BMPR1B: variants seen among roughly 807,000 people sequenced by gnomAD.
The protein encoded by BMPR1B is bone morphogenetic protein receptor type-1B.
A neutral mutation model predicts 59.1 loss-of-function variants in BMPR1B; 12 were observed. The observed-to-expected ratio is 0.20, with a 90% confidence interval of 0.13 to 0.33. The LOEUF (loss-of-function observed/expected upper bound fraction) is 0.33. BMPR1B is among the 10% of genes least tolerant of loss of function. BMPR1B has a pLI of 1.00. For synonymous variants in BMPR1B, 237 were observed against 207.3 expected, an observed-to-expected ratio of 1.14 and a Z score of -1.23; for missense variants, 550 against 610.9, an observed-to-expected ratio of 0.90 and a Z score of 1.05.
intron 3 of BMPR1B, among the ~76,000 whole-genome samples, chr4:95,073,930 A>G (rs943068016): frequency 3.9e-5 from 6 of 152,350 alleles, no homozygotes; most frequent in African/African-American, 1.2e-4. Flanking sequence ...ATGTGGTGGC[A>G]TAGAAACTTG....
At position 94,984,169 on chromosome 4, in the gene BMPR1B, C is replaced by A. The variant is rs1054196985; in HGVS notation, c.-112-11871C>A. Among the ~76,000 whole-genome samples the A allele has an allele frequency of 2.0e-5, 3 of 152,280 alleles. 1 individual carries two copies. The South Asian group carries it at 6.2e-4, about 32-fold the overall frequency. On this transcript the variant is annotated intron_variant, in intron 2 of 12. Transcript: ENST00000515059. ...TGCCAATAAGTCTGTGCACTGACTT[C>A]CAACTGATATGTGGCTTGTCATCTG...
At chr4:94,949,262 T>C (rs960729198) in intron 2 of BMPR1B, among the ~76,000 whole-genome samples, 9 of 151,226 alleles carry the variant, frequency 6.0e-5, no homozygotes, top group Non-Finnish European at 1.2e-4. Context: ...CTGAGAGTGA[T>C]GGTTTCTAGC....
intron 10 of BMPR1B, among the ~76,000 whole-genome samples, chr4:95,137,660 A>G (rs974289390): frequency 2.1e-4 from 32 of 152,118 alleles, no homozygotes; most frequent in Admixed American, 3.3e-4. Context: ...CCATTATGTA[A>G]TGGCCTTCTT....
chr4:94,882,295 AT>A (rs1727004045), intron 2 of BMPR1B, among the ~76,000 whole-genome samples: 1 of 152,212 alleles, frequency 6.6e-6, no homozygotes, highest in South Asian at 2.1e-4. Context: ...TGCAAGAACA[AT>A]TCTTTCACTA....
intron 2 of BMPR1B, among the ~76,000 whole-genome samples, chr4:94,900,018 G>A (rs561466716): frequency 1.3e-5 from 2 of 152,034 alleles, no homozygotes; most frequent in East Asian, 3.9e-4. Flanking sequence ...GCAAGAGAGA[G>A]GAACTTAAAG....
At chr4:94,816,924 CAATT>C (rs1162190015) in intron 1 of BMPR1B, among the ~76,000 whole-genome samples, 1 of 152,096 alleles carries the variant, frequency 6.6e-6, no homozygotes, top group Non-Finnish European at 1.5e-5. Context: ...TGTTCAAACT[CAATT>C]AATGTGATTA....
intron 3 of BMPR1B, among the ~76,000 whole-genome samples, chr4:95,097,204 C>T (rs1351345127): frequency 1.3e-5 from 2 of 149,410 alleles, no homozygotes; most frequent in Admixed American, 1.3e-4. Flanking sequence ...TCTGGATTTA[C>T]ACTGTTTTAA....
chr4:94,931,026 AC>A (rs879672152), intron 2 of BMPR1B, among the ~76,000 whole-genome samples: 6 of 152,174 alleles, frequency 3.9e-5, no homozygotes, highest in Non-Finnish European at 8.8e-5. Flanking sequence ...TGGCATGAGG[AC>A]CATTGCTTAA....
intron 1 of BMPR1B, among the ~76,000 whole-genome samples, chr4:94,805,314 A>C (rs1476317702): frequency 6.6e-6 from 1 of 151,452 alleles, no homozygotes. Flanking sequence ...TTACACTGAC[A>C]CTCAGGGAAT....
At chr4:94,850,602 A>G (rs1725529670) in intron 1 of BMPR1B, among the ~76,000 whole-genome samples, 1 of 151,836 alleles carries the variant, frequency 6.6e-6, no homozygotes, top group Non-Finnish European at 1.5e-5. Context: ...AAAATAGAAA[A>G]TCTTTTTCCC....
At chr4:95,035,946 A>G (rs746350267) in intron 3 of BMPR1B, among the ~76,000 whole-genome samples, 5 of 152,132 alleles carry the variant, frequency 3.3e-5, no homozygotes, top group African/African-American at 7.2e-5. Flanking sequence ...TGTGTCATCT[A>G]TGATTTTTTC....
At chr4:95,115,417 A>G (rs964502891) in intron 5 of BMPR1B, among the ~76,000 whole-genome samples, 1 of 152,180 alleles carries the variant, frequency 6.6e-6, no homozygotes, top group African/African-American at 2.4e-5. Flanking sequence ...TGTTGCATTA[A>G]TCCAAGCCTT....
chr4:94,976,941 A>G (rs1578872681), intron 2 of BMPR1B, among the ~76,000 whole-genome samples: 1 of 152,292 alleles, frequency 6.6e-6, no homozygotes, highest in East Asian at 1.9e-4. Context: ...TCCAAAAAAC[A>G]TGACCTGTAT....
chr4:94,868,165 ACTT>A (rs140480993), intron 1 of BMPR1B, among the ~76,000 whole-genome samples: 4,739 of 151,452 alleles, frequency 0.031, 153 homozygotes, highest in African/African-American at 0.078. Context: ...ACCCAGCCTT[ACTT>A]CTTCTTTTTT....
At chr4:95,011,309 G>A (rs773449499) in intron 3 of BMPR1B, among the ~76,000 whole-genome samples, 2 of 152,148 alleles carry the variant, frequency 1.3e-5, no homozygotes, top group Admixed American at 6.6e-5. Context: ...GCTTATAAGT[G>A]AGAACATACA....
intron 2 of BMPR1B, among the ~76,000 whole-genome samples, chr4:94,956,590 T>C (rs1258899049): frequency 6.6e-6 from 1 of 152,138 alleles, no homozygotes; most frequent in Non-Finnish European, 1.5e-5. Context: ...TGTGGAACAT[T>C]TATAGAATAG....
At chr4:94,956,022 T>C (rs1352835071) in intron 2 of BMPR1B, among the ~76,000 whole-genome samples, 1 of 152,214 alleles carries the variant, frequency 6.6e-6, no homozygotes, top group Non-Finnish European at 1.5e-5. Flanking sequence ...CAATAGATTT[T>C]ATTTAGTTGT....
intron 2 of BMPR1B, among the ~76,000 whole-genome samples, chr4:94,938,268 G>A (rs534679392): frequency 3.3e-5 from 5 of 152,156 alleles, no homozygotes; most frequent in South Asian, 4.2e-4. Context: ...AGTCTGAGGC[G>A]GGCAGATAAC....
intron 3 of BMPR1B, among the ~76,000 whole-genome samples, chr4:95,015,818 G>A (rs1224029223): frequency 2.6e-5 from 4 of 151,748 alleles, no homozygotes; most frequent in African/African-American, 7.3e-5. Flanking sequence ...TCAGCCTCCC[G>A]AATAGCTGGG....
Sources: gnomAD v4.1 joint callset for allele counts (sites outside exome capture counted in the v4.1 genomes callset) on GRCh38, gnomAD v4.1.1 for gene constraint, MANE v1.5 for transcripts, NCBI Gene and HGNC (gene_info 2026-07-23, HGNC 2026-07-21) for gene names.